The following CD5 variants were observed in gnomAD, a reference collection of about 807,000 sequenced individuals.
CD5 encodes CD5 molecule.
Under a neutral mutation model 60.3 loss-of-function variants are expected in CD5, and 36 were observed. The observed-to-expected ratio is 0.60, with a 90% CI of 0.46 to 0.79. The LOEUF is 0.79. CD5 is among the 30% of genes least tolerant of loss of function. The probability of loss-of-function intolerance (pLI) is 0.00; values close to 1 mark genes in which losing one functional copy is unlikely to be tolerated. For synonymous variants in CD5, 230 were observed against 257.6 expected (o/e 0.89, Z 1.03); for missense variants, 540 against 630.6 (o/e 0.86, Z 1.54).
At chr11:61,125,923 C>T in intron 10 of CD5, 82 bp downstream of exon 10, 1 of 819,536 alleles carries the variant, frequency 1.2e-6, no homozygotes, top group Non-Finnish European at 1.9e-6. Flanking sequence ...CAATGCCTCC[C>T]CTCAGTCCCA....
intron 4 of CD5, 31 bp downstream of exon 4, chr11:61,119,008 T>C (rs1157690605): frequency 2.6e-6 from 4 of 1,562,188 alleles, no homozygotes; most frequent in Non-Finnish European, 3.5e-6. Context: ...CCACAGGGAG[T>C]CAGAGCTAGC....
rs764750821 is a variant in CD5 at position 61,121,731 on chromosome 11, C to T, written c.926C>T (p.Ser309Leu). ...TGTGACAGCTCTTCAGCCAGGAGCT[C>T]GCTGCGGTGGGAGGAGGTGTGCCGG... ...ALCDSSSARSSLRWEEVCREQ... is the reference protein window; with the variant it reads ...ALCDSSSARSLLRWEEVCREQ... Residue 309 changes from serine (S) to leucine (L), a missense_variant, in exon 6 of 11, where the codon TCG (serine) becomes TTG (leucine). Ser to Leu is a moderately radical substitution (Grantham distance 145). Transcript: ENST00000347785. 7 of 1,609,824 alleles carry T rather than the reference C, an allele frequency of 4.3e-6. No homozygotes were observed. The highest frequency in any genetic ancestry group is 3.3e-5 in the Admixed American group (2 of 59,822).
upstream of CD5, chr11:61,102,459 CGCCA>C: frequency 3.3e-6 from 2 of 612,160 alleles, no homozygotes; most frequent in Non-Finnish European, 5.6e-6. Flanking sequence ...TCCCTGAGCA[CGCCA>C]CCCCGCCCTC....
chr11:61,100,894 A>G (rs1434954342), upstream of CD5, among the ~76,000 whole-genome samples: 1 of 147,690 alleles, frequency 6.8e-6, no homozygotes, highest in Non-Finnish European at 1.5e-5. Flanking sequence ...ATCAACATGG[A>G]GATCACACAC....
At chr11:61,123,811 A>AAAGCCC in intron 7 of CD5, 73 bp from the exon 8 acceptor site, 4 of 262,112 alleles carry the variant, frequency 1.5e-5, no homozygotes, top group Non-Finnish European at 1.4e-5. Context: ...GCCCAGCCCC[A>AAAGCCC]TCCCCACCCC....
intron 7 of CD5, among the ~76,000 whole-genome samples, chr11:61,123,680 C>G (rs1349487806): frequency 6.6e-6 from 1 of 152,116 alleles, no homozygotes; most frequent in African/African-American, 2.4e-5. Context: ...TCCTTCGGCA[C>G]AGGATGGCTG....
intron 1 of CD5, among the ~76,000 whole-genome samples, chr11:61,109,139 A>C (rs902184606): frequency 5.3e-5 from 8 of 152,344 alleles, no homozygotes; most frequent in African/African-American, 1.9e-4. Flanking sequence ...TCCTCTGTAA[A>C]CTGGGACCCA....
rs760901109 is a variant in CD5 at position 61,118,953 on chromosome 11, C to G, written c.439C>G (p.Pro147Ala). ...KTTPPTTRPP[P>A]TTTPEPTAPP... ...AACACCTCCAACGACAAGGCCCCCGCCCACCACAACTCCAGAGCCCACAGG... is the reference window on the plus strand; with the variant it reads ...AACACCTCCAACGACAAGGCCCCCGGCCACCACAACTCCAGAGCCCACAGG... Residue 147 changes from proline (P) to alanine (A), a missense_variant, in exon 4 of 11, where the codon CCC becomes GCC. Coordinates refer to ENST00000347785, the MANE Select transcript of CD5 (RefSeq NM_014207.4). The surrounding 1 kb of genome is among the most constrained non-coding windows in gnomAD (Gnocchi z 4.7). 2 of 1,613,694 alleles carry G rather than the reference C, an allele frequency of 1.2e-6. No individual in the cohort carries two copies. The highest frequency in any genetic ancestry group is 1.3e-5 in the African/African-American group (1 of 74,908).
At chr11:61,109,758 T>C (rs1345514190) in intron 1 of CD5, among the ~76,000 whole-genome samples, 1 of 152,138 alleles carries the variant, frequency 6.6e-6, no homozygotes, top group African/African-American at 2.4e-5. Context: ...ATAAGCCGTC[T>C]GACTTCTTTA....
intron 6 of CD5, 116 bp downstream of exon 6, chr11:61,122,020 G>A: frequency 1.1e-6 from 1 of 880,568 alleles, no homozygotes; most frequent in Non-Finnish European, 1.6e-6. Context: ...GAGTCCCAGA[G>A]ACCCAGAAAG....
At chr11:61,113,383 C>T (rs896647974) in intron 1 of CD5, among the ~76,000 whole-genome samples, 1 of 152,224 alleles carries the variant, frequency 6.6e-6, no homozygotes, top group African/African-American at 2.4e-5. Flanking sequence ...ACTTTGCCCC[C>T]ACTCCACAGT....
intron 2 of CD5, among the ~76,000 whole-genome samples, chr11:61,117,538 G>GA (rs2134604993): frequency 6.6e-6 from 1 of 152,162 alleles, no homozygotes; most frequent in East Asian, 1.9e-4. Context: ...ACCCAGGCTG[G>GA]AGTGCAGTGG....
intron 5 of CD5, among the ~76,000 whole-genome samples, chr11:61,121,247 G>T (rs1420792217): frequency 1.3e-5 from 2 of 152,240 alleles, no homozygotes; most frequent in African/African-American, 2.4e-5. Flanking sequence ...ATGTTTCCAA[G>T]TGAGAAGTGG....
At chr11:61,107,195 A>G (rs1345191712) in intron 1 of CD5, among the ~76,000 whole-genome samples, 12 of 152,194 alleles carry the variant, frequency 7.9e-5, no homozygotes, top group African/African-American at 2.9e-4. Flanking sequence ...ATTTGAGTCA[A>G]TATTTGAAAG....
At chr11:61,117,999 G>C (rs1860989160) in intron 2 of CD5, among the ~76,000 whole-genome samples, 176 bp from the exon 3 acceptor site, 1 of 152,218 alleles carries the variant, frequency 6.6e-6, no homozygotes, top group South Asian at 2.1e-4. Flanking sequence ...GCCTGGGTCA[G>C]GGTCCTCTGG....
intron 2 of CD5, among the ~76,000 whole-genome samples, chr11:61,116,674 ACAC>A (rs1860963088): frequency 7.1e-6 from 1 of 140,590 alleles, no homozygotes; most frequent in Non-Finnish European, 1.5e-5. Context: ...CACCACACAC[ACAC>A]ACTACACACA....
At chr11:61,099,430 T>TCA (rs1340903168), upstream of CD5, among the ~76,000 whole-genome samples, 1 of 77,132 alleles carries the variant, frequency 1.3e-5, no homozygotes, top group Admixed American at 1.7e-4. Flanking sequence ...AACATGGAGA[T>TCA]CACACACACA....
At chr11:61,101,116 A>C (rs1406402227), upstream of CD5, among the ~76,000 whole-genome samples, 1 of 100,912 alleles carries the variant, frequency 9.9e-6, no homozygotes, top group Non-Finnish European at 1.9e-5. Context: ...CAACATGGAG[A>C]TCACACACAC....
chr11:61,122,314 G>GGATT (rs1366842087), intron 6 of CD5, among the ~76,000 whole-genome samples: 1 of 133,936 alleles, frequency 7.5e-6, no homozygotes, highest in Non-Finnish European at 1.6e-5. Context: ...GTGGGTGGGT[G>GGATT]GATGGATGGA....
Sources: allele counts gnomAD v4.1 joint callset (sites outside exome capture counted in the v4.1 genomes callset), GRCh38; gene constraint gnomAD v4.1.1; non-coding constraint Gnocchi (gnomAD v3.1); transcripts MANE v1.5; gene names NCBI Gene and HGNC (gene_info 2026-07-23, HGNC 2026-07-21).